The following UBA6 variants were observed in gnomAD, a reference collection of about 807,000 sequenced individuals.
The protein encoded by UBA6 is ubiquitin-like modifier-activating enzyme 6.
A neutral mutation model predicts 148.3 loss-of-function variants in UBA6; 87 were observed. The ratio of observed to expected loss-of-function variants is 0.59; its 90% confidence interval spans 0.49 to 0.70. UBA6 has a LOEUF of 0.70. Ranked by LOEUF, UBA6 falls within the 30% of genes least tolerant of loss-of-function variation. UBA6 has a pLI of 0.00. For synonymous variants in UBA6, 376 were observed against 401.0 expected (o/e 0.94, Z 0.75); for missense variants, 1,186 against 1,241.2 (o/e 0.96, Z 0.67).
Position 67,633,350 on chromosome 4 carries a change from G to A in UBA6, c.2137C>T (p.His713Tyr). The A allele has an allele frequency of 6.3e-7, 1 of 1,593,734 alleles. No individual in the cohort carries two copies. The highest frequency in any genetic ancestry group is 1.1e-5 in the South Asian group (1 of 87,226). Residue 713 changes from histidine to tyrosine, a missense_variant, in exon 23 of 33, where the codon CAT becomes TAT. His to Tyr is a moderately conservative substitution (Grantham distance 83). Transcript: ENST00000322244. ...GTCTCACAATGCATACTTACCTTAT[G>A]GTTAAAATATTTTTCAAACTTTAAT... The part of the protein sequence containing the change: ...ARLKFEKYFN[H>Y]KALQLLHCFP...
chr4:67,672,614 T>A (rs1441314776), intron 7 of UBA6, among the ~76,000 whole-genome samples: 1 of 152,152 alleles, frequency 6.6e-6, no homozygotes, highest in Non-Finnish European at 1.5e-5. Flanking sequence ...CCCAACCTAC[T>A]TCTCCCAAAC....
chr4:67,692,498 A>G (rs1248971077), intron 2 of UBA6, among the ~76,000 whole-genome samples: 2 of 152,212 alleles, frequency 1.3e-5, no homozygotes, highest in Non-Finnish European at 2.9e-5. Context: ...GAGGGAAAAG[A>G]TAAACACCAG....
chr4:67,668,909 G>A (rs968702096), intron 8 of UBA6, among the ~76,000 whole-genome samples: 1 of 152,102 alleles, frequency 6.6e-6, no homozygotes, highest in Admixed American at 6.5e-5. Context: ...GGTAGGAGAT[G>A]TTCAAAAATT....
chr4:67,642,039 T>C (rs1011306369), intron 17 of UBA6, among the ~76,000 whole-genome samples: 1 of 152,102 alleles, frequency 6.6e-6, no homozygotes, highest in Non-Finnish European at 1.5e-5. Flanking sequence ...AATATTTCTG[T>C]GTAATTATGT....
At chr4:67,640,113 C>G (rs1013739333) in intron 18 of UBA6, among the ~76,000 whole-genome samples, 1 of 152,220 alleles carries the variant, frequency 6.6e-6, no homozygotes, top group Admixed American at 6.5e-5. Flanking sequence ...ATTCACACAT[C>G]TAGTTTTAAC....
chr4:67,629,249 A>T, intron 26 of UBA6, 107 bp from the exon 27 acceptor site: 1 of 712,154 alleles, frequency 1.4e-6, no homozygotes, highest in East Asian at 2.6e-5. Context: ...TGAATATTTC[A>T]TTATCTGAAT....
At position 67,665,436 on chromosome 4, in the gene UBA6, T is replaced by TTG. The variant is rs1560493277; in HGVS notation, c.794-145_794-144insCA. The TTG allele has an allele frequency of 3.2e-3, 1,621 of 507,826 alleles. 16 individuals carry two copies. Among genetic ancestry groups the TTG allele is most frequent in the African/African-American group, 0.018 (843 of 48,076 alleles). 31.5% of individuals were successfully genotyped at this position (507,826 alleles called of 1,614,324 possible). On this transcript the variant is annotated intron_variant, in intron 9 of 32. Transcript: ENST00000322244. ...GTGTTTTTTTTTGTTTGTTTGTTTT[T>TTG]TTTTTTTTTTAATGAAGAGCTGGGA...
At chr4:67,690,566 C>T (rs1730671241) in intron 2 of UBA6, among the ~76,000 whole-genome samples, 1 of 151,932 alleles carries the variant, frequency 6.6e-6, no homozygotes, top group Non-Finnish European at 1.5e-5. Context: ...TAATAATATC[C>T]AAAGGAATGC....
chr4:67,658,163 C>A (rs1729749486), intron 13 of UBA6, among the ~76,000 whole-genome samples: 1 of 152,132 alleles, frequency 6.6e-6, no homozygotes, highest in Admixed American at 6.5e-5. Flanking sequence ...ACTAGAAATA[C>A]CATTTGACCC....
chr4:67,686,741 C>G (rs1334405458), intron 2 of UBA6, among the ~76,000 whole-genome samples: 1 of 151,450 alleles, frequency 6.6e-6, no homozygotes, highest in Non-Finnish European at 1.5e-5. Flanking sequence ...CACTTGAGAC[C>G]AGGAGTTTGA....
chr4:67,653,836 C>A (rs945730658), intron 13 of UBA6, among the ~76,000 whole-genome samples: 10 of 152,088 alleles, frequency 6.6e-5, no homozygotes, highest in African/African-American at 2.4e-4. Flanking sequence ...GTAGAGAAGA[C>A]CTTAAATGAC....
At chr4:67,660,586 C>G (rs1729824568) in intron 13 of UBA6, among the ~76,000 whole-genome samples, 1 of 152,172 alleles carries the variant, frequency 6.6e-6, no homozygotes, top group Non-Finnish European at 1.5e-5. Flanking sequence ...ATGAAAACAC[C>G]TGGATGTCCA....
chr4:67,630,290 AC>A (rs1335346028), intron 26 of UBA6, among the ~76,000 whole-genome samples, 175 bp downstream of exon 26: 2 of 152,172 alleles, frequency 1.3e-5, no homozygotes, highest in Non-Finnish European at 2.9e-5. Flanking sequence ...ACTTAGCAAT[AC>A]TGCAATGAGC....
chr4:67,668,079 G>C, intron 9 of UBA6, among the ~76,000 whole-genome samples: 1 of 151,986 alleles, frequency 6.6e-6, no homozygotes, highest in African/African-American at 2.4e-5. Flanking sequence ...TGAATATGTT[G>C]ACTGACCATG....
At chr4:67,660,617 G>A (rs1729825183) in intron 13 of UBA6, among the ~76,000 whole-genome samples, 1 of 152,202 alleles carries the variant, frequency 6.6e-6, no homozygotes, top group African/African-American at 2.4e-5. Flanking sequence ...TACTGCAGGG[G>A]TGGGGCCCTC....
chr4:67,666,077 A>G (rs976500038), intron 9 of UBA6, among the ~76,000 whole-genome samples: 2 of 152,182 alleles, frequency 1.3e-5, no homozygotes, highest in African/African-American at 4.8e-5. Flanking sequence ...AGTCCCATCT[A>G]TTCAGGAGGC....
In UBA6 at chr4:67,622,169, TAGAGTCTTGC is replaced by T. The variant is rs376709923; in HGVS notation, c.3023+652_3023+661del. 2.8e-3 allele frequency among the ~76,000 whole-genome samples: 419 copies of T among 152,326 alleles called. 3 individuals carry two copies. The highest frequency in any genetic ancestry group is 9.8e-3 in the African/African-American group (407 of 41,572). On this transcript the variant is annotated intron_variant, in intron 32 of 32. Coordinates refer to ENST00000322244, the MANE Select transcript of UBA6 (RefSeq NM_018227.6). ...AGAAGGATAACTAGGAATCTAAATT[TAGAGTCTTGC>T]AGACCACGATAAAGACTTTAGCTTT...
At chr4:67,619,186 A>T (rs1047600150) in intron 32 of UBA6, 54 bp from the exon 33 acceptor site, 3 of 1,430,118 alleles carry the variant, frequency 2.1e-6, no homozygotes, top group Non-Finnish European at 2.9e-6. Context: ...AAATGAAAAA[A>T]TGATTTGCTG....
rs1730439400 is a variant in UBA6 at position 67,681,564 on chromosome 4, T to G, written c.257A>C (p.Lys86Thr). The change falls in exon 4 of 33, where the codon AAG (lysine) becomes ACG (threonine). Residue 86 changes from lysine (K) to threonine (T), a missense_variant and splice_region_variant. By Grantham distance (78) the Lys-to-Thr change is moderately conservative. Transcript: ENST00000322244. ...TTCTTACAGAGGACATTTACTTACC[T>G]TAATCCCTGCAAGAACAAGATTCTT... The part of the protein sequence containing the change: ...IAKNLVLAGI[K>T]AVTIHDTEKC... 4 of 1,577,406 alleles carry G rather than the reference T, an allele frequency of 2.5e-6. No homozygotes were observed. Among genetic ancestry groups the G allele is most frequent in the Admixed American group, 4.0e-5 (2 of 50,032 alleles).
Sources: allele counts gnomAD v4.1 joint callset (sites outside exome capture counted in the v4.1 genomes callset), GRCh38; gene constraint gnomAD v4.1.1; transcripts MANE v1.5; gene names NCBI Gene and HGNC (gene_info 2026-07-23, HGNC 2026-07-21).